The following BCL2L1 variants were observed in gnomAD, a reference collection of about 807,000 sequenced individuals.
BCL2L1 encodes bcl-2-like protein 1.
BCL2L1 carries 1 observed loss-of-function variant against 18.7 expected under a neutral mutation model. The ratio of observed to expected loss-of-function variants is 0.05; its 90% CI spans 0.02 to 0.25. The LOEUF (loss-of-function observed/expected upper bound fraction) is 0.25. BCL2L1 is among the 10% of genes least tolerant of loss of function. The probability of loss-of-function intolerance (pLI) is 1.00; values close to 1 mark genes in which losing one functional copy is unlikely to be tolerated. For missense variants in BCL2L1, 207 were observed against 304.9 expected (o/e 0.68, Z 2.39); for synonymous variants, 103 against 122.7 (o/e 0.84, Z 1.06).
rs1410318896 is a variant in BCL2L1, at chr20:31,722,107, G to C, written c.112C>G (p.Pro38Ala). Residue 38 changes from proline to alanine, a missense_variant, in exon 2 of 3, where the codon CCA becomes GCA. By Grantham distance (27) the Pro-to-Ala change is conservative (BLOSUM62 -1). Transcript: ENST00000307677. ...TCCATCTCCGATTCAGTCCCTTCTG[G>C]GGCCTCAGTCCTGTTCTCTTCCACA... The part of the protein sequence containing the change: ...SDVEENRTEA[P>A]EGTESEMETP... 8.2e-6 allele frequency: 13 copies of C among 1,577,972 alleles called. No individual in the cohort carries two copies. In the African/African-American group the frequency reaches 1.6e-4, roughly 20 times the overall value.
intron 2 of BCL2L1, among the ~76,000 whole-genome samples, chr20:31,696,744 C>A (rs1006142768): frequency 6.6e-6 from 1 of 152,022 alleles, no homozygotes; most frequent in Non-Finnish European, 1.5e-5. Flanking sequence ...GAGACCTTGT[C>A]TCTACTAAAA....
intron 2 of BCL2L1, among the ~76,000 whole-genome samples, chr20:31,694,850 ACTTGAGCC>A (rs2061142357): frequency 6.6e-6 from 1 of 152,066 alleles, no homozygotes; most frequent in Non-Finnish European, 1.5e-5. Context: ...CGGGAGGATC[ACTTGAGCC>A]CAGGAGTTCG....
intron 2 of BCL2L1, among the ~76,000 whole-genome samples, chr20:31,677,089 G>A (rs2060775522): frequency 6.6e-6 from 1 of 152,152 alleles, no homozygotes; most frequent in Non-Finnish European, 1.5e-5. Flanking sequence ...AGAGCACAGA[G>A]CAGGCAGAGA....
intron 2 of BCL2L1, among the ~76,000 whole-genome samples, chr20:31,691,152 C>CAAAAAAAAA (rs539012918): frequency 1.2e-4 from 3 of 24,852 alleles, no homozygotes; most frequent in Non-Finnish European, 1.5e-4. Context: ...GACTCTGTCT[C>CAAAAAAAAA]AAAAAAAAAA....
In BCL2L1 at chr20:31,665,861, G is replaced by A; in HGVS notation, c.*88C>T. ...CAGGTGGGCATGGGCTGCATGTAGT[G>A]GTTCTCCTGGTGGCAATGGCGGCTG... On this transcript the variant is annotated 3_prime_UTR_variant, in exon 3 of 3. Transcript: ENST00000307677. 2 of 1,537,654 alleles carry A rather than the reference G, an allele frequency of 1.3e-6. No homozygotes were observed. The highest frequency in any genetic ancestry group is 8.9e-7 in the Non-Finnish European group (1 of 1,128,270).
chr20:31,703,021 C>T (rs1354094364), intron 2 of BCL2L1, among the ~76,000 whole-genome samples: 1 of 150,958 alleles, frequency 6.6e-6, no homozygotes, highest in Non-Finnish European at 1.5e-5. Flanking sequence ...AACAAAAATG[C>T]AATAAGATCT....
intron 2 of BCL2L1, among the ~76,000 whole-genome samples, chr20:31,670,994 G>A (rs2060660073): frequency 6.6e-6 from 1 of 152,190 alleles, no homozygotes; most frequent in African/African-American, 2.4e-5. Flanking sequence ...CAGGGGATGA[G>A]GTTTAAGAGT....
intron 2 of BCL2L1, among the ~76,000 whole-genome samples, chr20:31,695,621 C>T (rs766000067): frequency 6.6e-6 from 1 of 152,234 alleles, no homozygotes; most frequent in Non-Finnish European, 1.5e-5. Context: ...CAGACATGCA[C>T]CACTATGCCC....
At chr20:31,703,742 T>G (rs1233012328) in intron 2 of BCL2L1, among the ~76,000 whole-genome samples, 2 of 152,054 alleles carry the variant, frequency 1.3e-5, no homozygotes, top group Non-Finnish European at 2.9e-5. Context: ...TTCGCCTGTC[T>G]TGGCCTCCCA....
At chr20:31,714,031 G>A (rs1008953647) in intron 2 of BCL2L1, among the ~76,000 whole-genome samples, 1 of 152,188 alleles carries the variant, frequency 6.6e-6, no homozygotes, top group Admixed American at 6.5e-5. Context: ...AAGCTGTAAG[G>A]TGTTACATAA....
chr20:31,721,890 G>A lies in BCL2L1; in HGVS notation c.329C>T (p.Ser110Phe). 1.2e-6 allele frequency: 2 copies of A among 1,614,184 alleles called. No individual in the cohort carries two copies. Among genetic ancestry groups the A allele is most frequent in the South Asian group, 1.1e-5 (1 of 91,076 alleles). The change falls in exon 2 of 3, where the codon TCC (serine) becomes TTC (phenylalanine). Residue 110 changes from serine to phenylalanine, a missense_variant. Coordinates refer to ENST00000307677, the MANE Select transcript of BCL2L1 (RefSeq NM_138578.3). Reference protein sequence around the residue: ...RYRRAFSDLTSQLHITPGTAY... With the variant: ...RYRRAFSDLTFQLHITPGTAY... ...TGTCCCTGGGGTGATGTGGAGCTGG[G>A]ATGTCAGGTCACTGAATGCCCGCCG...
chr20:31,672,536 G>A (rs1359574219), intron 2 of BCL2L1, among the ~76,000 whole-genome samples: 2 of 152,112 alleles, frequency 1.3e-5, no homozygotes, highest in Admixed American at 1.3e-4. Flanking sequence ...GAGAGGAGGG[G>A]TGTTCCTGGG....
intron 2 of BCL2L1, among the ~76,000 whole-genome samples, chr20:31,695,033 C>G (rs1015814607): frequency 6.6e-6 from 1 of 152,212 alleles, no homozygotes; most frequent in African/African-American, 2.4e-5. Context: ...TAAGGACTTT[C>G]CAGTTTCTTA....
At chr20:31,697,463 A>G (rs1447788455) in intron 2 of BCL2L1, among the ~76,000 whole-genome samples, 1 of 150,174 alleles carries the variant, frequency 6.7e-6, no homozygotes, top group Non-Finnish European at 1.5e-5. Flanking sequence ...TTTTAGACGG[A>G]GTCTCGCTCT....
chr20:31,719,543 A>G (rs1414215041), intron 2 of BCL2L1, among the ~76,000 whole-genome samples: 1 of 152,204 alleles, frequency 6.6e-6, no homozygotes, highest in East Asian at 1.9e-4. Context: ...TGGTTCTGAT[A>G]TAACTGGCTC....
intron 2 of BCL2L1, among the ~76,000 whole-genome samples, chr20:31,701,253 C>T (rs1417292668): frequency 1.3e-5 from 2 of 152,154 alleles, no homozygotes; most frequent in Non-Finnish European, 2.9e-5. Flanking sequence ...AGGGTTTCAC[C>T]ATGTTGGCCA....
chr20:31,702,850 G>A (rs2061302667), intron 2 of BCL2L1, among the ~76,000 whole-genome samples: 2 of 149,644 alleles, frequency 1.3e-5, no homozygotes, highest in South Asian at 4.3e-4. Context: ...GGAGTTTGAG[G>A]CAGGAGAACC....
At chr20:31,682,401 C>T (rs1265920200) in intron 2 of BCL2L1, among the ~76,000 whole-genome samples, 5 of 152,216 alleles carry the variant, frequency 3.3e-5, no homozygotes, top group Admixed American at 6.5e-5. Context: ...TCCACAATTT[C>T]AGCCATCACT....
chr20:31,717,096 TAGG>T (rs2061548681), intron 2 of BCL2L1, among the ~76,000 whole-genome samples: 1 of 152,164 alleles, frequency 6.6e-6, no homozygotes, highest in African/African-American at 2.4e-5. Context: ...ATTAAGGCAG[TAGG>T]AGATTATACT....
Sources: allele counts gnomAD v4.1 joint callset (sites outside exome capture counted in the v4.1 genomes callset), GRCh38; gene constraint gnomAD v4.1.1; transcripts MANE v1.5; gene names NCBI Gene and HGNC (gene_info 2026-07-23, HGNC 2026-07-21).